MYBPC1: variants seen among roughly 807,000 people sequenced by gnomAD.
MYBPC1 encodes myosin binding protein C1, also known as myosin-binding protein C, slow-type.
MYBPC1 carries 52 observed loss-of-function variants against 147.1 expected under a neutral mutation model. That is an observed-to-expected ratio of 0.35 (90% CI 0.28 to 0.45). MYBPC1 has a LOEUF of 0.45. Ranked by LOEUF, MYBPC1 falls within the 20% of genes least tolerant of loss-of-function variation. The probability of loss-of-function intolerance (pLI) is 1.00; values close to 1 mark genes in which losing one functional copy is unlikely to be tolerated. For missense variants in MYBPC1, 1,228 were observed against 1,440.3 expected (o/e 0.85, Z 2.39); for synonymous variants, 477 against 475.9 (o/e 1.00, Z -0.03).
At position 101,649,397 on chromosome 12, in the gene MYBPC1, G is replaced by A; in HGVS notation, c.1334G>A (p.Gly445Glu). The A allele has an allele frequency of 6.2e-7, 1 of 1,613,896 alleles. No homozygotes were observed. The highest frequency in any genetic ancestry group is 8.5e-7 in the Non-Finnish European group (1 of 1,179,852). The part of the protein sequence containing the change: ...AAEYSVMTTG[G>E]QSSAKLSVDL... ...GAATATTCAGTAATGACAACAGGAG[G>A]ACAATCATCTGCTAAACTTAGTGTT... is the stretch of plus-strand genomic sequence containing the variant. The change falls in exon 15 of 32, where the codon GGA becomes GAA. Residue 445 changes from glycine to glutamate, a missense_variant. By Grantham distance (98) the Gly-to-Glu change is moderately conservative (BLOSUM62 -2). Transcript: ENST00000361466.
chr12:101,660,381 C>T (rs1385608454), intron 19 of MYBPC1: 5 of 174,204 alleles, frequency 2.9e-5, no homozygotes, highest in African/African-American at 1.2e-4. Flanking sequence ...TCTTGTAAAA[C>T]TCTTTGATTC....
intron 22 of MYBPC1, 68 bp from the exon 23 acceptor site, chr12:101,667,664 A>G (rs1024336116): frequency 1.9e-6 from 3 of 1,564,660 alleles, no homozygotes; most frequent in Non-Finnish European, 2.6e-6. Context: ...GTTGACTGTA[A>G]TGGTTAAGAT....
At chr12:101,695,369 G>C in the MYBPC1 span, among the ~76,000 whole-genome samples, 1 of 152,224 alleles carries the variant, frequency 6.6e-6, no homozygotes, top group Non-Finnish European at 1.5e-5. Context: ...GAGTGGAGAA[G>C]AGTGGGACTG....
At chr12:101,631,763 C>T in intron 7 of MYBPC1, 44 bp downstream of exon 7, 2 of 1,612,116 alleles carry the variant, frequency 1.2e-6, no homozygotes, top group Non-Finnish European at 1.7e-6. Flanking sequence ...CTAGCGCATT[C>T]CTTCTATGTG....
At chr12:101,644,823 A>G (rs755376145) in intron 12 of MYBPC1, 27 bp downstream of exon 12, 2 of 1,606,320 alleles carry the variant, frequency 1.2e-6, no homozygotes, top group East Asian at 2.2e-5. Context: ...AAAATCAGTG[A>G]TAGCTCTACA....
chr12:101,678,371 G>A (rs1380772163), intron 28 of MYBPC1, 133 bp downstream of exon 28: 21 of 1,306,390 alleles, frequency 1.6e-5, no homozygotes, highest in South Asian at 2.4e-5. Context: ...GGTGGTAGTG[G>A]TGGTAGATTA....
At position 101,661,065 on chromosome 12, in the gene MYBPC1, A is replaced by G. The variant is rs11110940; in HGVS notation, c.1928-93A>G. 31,333 of 785,174 alleles carry G rather than the reference A, an allele frequency of 0.04. 2,021 individuals carry two copies. The highest frequency in any genetic ancestry group is 0.25 in the East Asian group (9,410 of 37,158). The allele number at this position is 785,174 out of a possible 1,614,324, so 48.6% of individuals were successfully genotyped here. A position where few individuals can be genotyped will look rare whatever the true frequency, so the allele number is the denominator to read the frequency against. On this transcript the variant is annotated intron_variant, in intron 19 of 31. Coordinates refer to ENST00000361466, the MANE Select transcript of MYBPC1 (RefSeq NM_002465.4). ...AAAGTACTCAGAAATAACAGTTTCA[A>G]TGATTATCACCAAGAAACATATTTT...
downstream of MYBPC1, among the ~76,000 whole-genome samples, chr12:101,689,901 G>A (rs188332079): frequency 1.6e-4 from 25 of 152,296 alleles, no homozygotes; most frequent in South Asian, 8.3e-4. Context: ...TCTGCCGGGC[G>A]CGGTGGCTCA....
chr12:101,648,193 A>AG, intron 14 of MYBPC1, 43 bp downstream of exon 14: 1 of 1,456,884 alleles, frequency 6.9e-7, no homozygotes, highest in Non-Finnish European at 9.6e-7. Flanking sequence ...AATAGACAAA[A>AG]AAATTGGACC....
At chr12:101,611,947 T>G (rs1008527153) in intron 1 of MYBPC1, among the ~76,000 whole-genome samples, 1 of 151,816 alleles carries the variant, frequency 6.6e-6, no homozygotes, top group African/African-American at 2.4e-5. Context: ...CATGGTGGCA[T>G]GCACCTATAG....
rs1892256663 is a variant in MYBPC1 at position 101,642,507 on chromosome 12, T to C, written c.754T>C (p.Phe252Leu). ...AKPSEYEKIA[F>L]QYGITDLRGM... ...ACCCAGTGAGTACGAGAAGATCGCC[T>C]TCCAGTATGGAATCACCGACCTGCG... Residue 252 changes from phenylalanine (F) to leucine (L), a missense_variant, in exon 11 of 32, where the codon TTC becomes CTC. Coordinates refer to ENST00000361466, the MANE Select transcript of MYBPC1 (RefSeq NM_002465.4). 6.2e-7 allele frequency: 1 copy of C among 1,613,866 alleles called. No individual in the cohort carries two copies. The highest frequency in any genetic ancestry group is 2.2e-5 in the East Asian group (1 of 44,884).
intron 1 of MYBPC1, among the ~76,000 whole-genome samples, chr12:101,605,849 C>A (rs1274836972): frequency 6.6e-6 from 1 of 151,316 alleles, no homozygotes; most frequent in African/African-American, 2.4e-5. Context: ...GCAACAAGAG[C>A]AAAACTGTGT....
intron 24 of MYBPC1, among the ~76,000 whole-genome samples, chr12:101,671,481 T>C (rs78576949): frequency 0.014 from 2,151 of 152,250 alleles, 60 homozygotes; most frequent in African/African-American, 0.049. Context: ...AGGAGAGACA[T>C]TGTGTACTAC....
chr12:101,623,099 G>A (rs981896770), intron 3 of MYBPC1, among the ~76,000 whole-genome samples: 7 of 152,318 alleles, frequency 4.6e-5, no homozygotes, highest in African/African-American at 1.7e-4. Context: ...AGCACTTTGG[G>A]AGGCCAAGGC....
At chr12:101,682,168 A>G (rs1188986468) in intron 29 of MYBPC1, among the ~76,000 whole-genome samples, 6 of 152,034 alleles carry the variant, frequency 3.9e-5, no homozygotes, top group Admixed American at 3.9e-4. Context: ...AGTATTGTTG[A>G]TGCTTTTGTT....
rs1205947700 is a variant in MYBPC1, at chr12:101,651,359, G to A, written c.1492G>A (p.Glu498Lys). Residue 498 changes from glutamate to lysine, a missense_variant, in exon 16 of 32, where the codon GAG becomes AAG. Glu to Lys is a moderately conservative substitution (Grantham distance 56). Transcript: ENST00000361466. ...GACTAAAAATGGCCTACCTGTTCAG[G>A]AGAGTGACCGTCTAAAGGTGGTTCA... is the stretch of plus-strand genomic sequence containing the variant. ...KWTKNGLPVQ[E>K]SDRLKVVHKG... 2 of 1,614,164 alleles carry A rather than the reference G, an allele frequency of 1.2e-6. No individual in the cohort carries two copies. The highest frequency in any genetic ancestry group is 1.7e-5 in the Admixed American group (1 of 60,018).
intron 10 of MYBPC1, among the ~76,000 whole-genome samples, chr12:101,639,818 G>A (rs1163580579): frequency 6.6e-6 from 1 of 151,894 alleles, no homozygotes; most frequent in Non-Finnish European, 1.5e-5. Context: ...GCCAATGTCA[G>A]GAGGATAGCT....
At chr12:101,652,458 T>C (rs1894673401) in intron 16 of MYBPC1, among the ~76,000 whole-genome samples, 1 of 152,192 alleles carries the variant, frequency 6.6e-6, no homozygotes. Flanking sequence ...TTTGTGGAGA[T>C]AATTCCATAT....
intron 1 of MYBPC1, among the ~76,000 whole-genome samples, 183 bp from the exon 2 acceptor site, chr12:101,614,309 GGTGT>G (rs375041033): frequency 6.6e-6 from 1 of 151,096 alleles, no homozygotes; most frequent in East Asian, 1.9e-4. Flanking sequence ...GATGCAGTAG[GGTGT>G]GTGTGTGTGT....
Sources: gnomAD v4.1 joint callset for allele counts (sites outside exome capture counted in the v4.1 genomes callset) on GRCh38, gnomAD v4.1.1 for gene constraint, MANE v1.5 for transcripts, NCBI Gene and HGNC (gene_info 2026-07-23, HGNC 2026-07-21) for gene names.